The following PCDH9 variants were observed in gnomAD, a reference collection of about 807,000 sequenced individuals.
PCDH9 encodes the protein protocadherin-9.
Under a neutral mutation model 70.6 loss-of-function variants are expected in PCDH9, and 24 were observed. The ratio of observed to expected loss-of-function variants is 0.34; its 90% CI spans 0.25 to 0.48. The LOEUF (loss-of-function observed/expected upper bound fraction) is 0.48. PCDH9 is among the 20% of genes least tolerant of loss of function. PCDH9 has a pLI of 0.99. For synonymous variants in PCDH9, 562 were observed against 558.5 expected (o/e 1.01, Z -0.09); for missense variants, 1,281 against 1,503.6 (o/e 0.85, Z 2.45).
chr13:67,146,631 C>T (rs2087529443), intron 2 of PCDH9, among the ~76,000 whole-genome samples: 1 of 152,126 alleles, frequency 6.6e-6, no homozygotes, highest in South Asian at 2.1e-4. Flanking sequence ...GCAAATGACC[C>T]TATCCAAAAT....
intron 4 of PCDH9, among the ~76,000 whole-genome samples, chr13:66,554,683 C>A (rs1288700548): frequency 6.6e-6 from 1 of 151,752 alleles, no homozygotes; most frequent in Non-Finnish European, 1.5e-5. Context: ...TCATTCTTAG[C>A]CAATAGCATT....
chr13:66,782,236 G>T lies in PCDH9; in HGVS notation c.3138+121268C>A, dbSNP rs373785623. Among the ~76,000 whole-genome samples, 391 of 152,222 alleles carry T rather than the reference G, an allele frequency of 2.6e-3. 1 individual carries two copies. Among genetic ancestry groups the T allele is most frequent in the Non-Finnish European group, 3.7e-3 (251 of 68,016 alleles). ...AATTCCTACAGACTTGGAATTAGAA[G>T]AATTTTAATGGCACAGACATGCCTA... On this transcript the variant is annotated intron_variant, in intron 3 of 4. Coordinates refer to ENST00000377865, the MANE Select transcript of PCDH9 (RefSeq NM_203487.3).
At chr13:67,088,189 T>C (rs182332800) in intron 2 of PCDH9, among the ~76,000 whole-genome samples, 143 of 152,106 alleles carry the variant, frequency 9.4e-4, no homozygotes, top group African/African-American at 3.3e-3. Flanking sequence ...CCTCTAGTTT[T>C]GCCAATGAGG....
At chr13:66,469,368 G>A (rs1958573530) in intron 4 of PCDH9, among the ~76,000 whole-genome samples, 2 of 151,350 alleles carry the variant, frequency 1.3e-5, no homozygotes, top group South Asian at 4.2e-4. Context: ...TTGATTCACA[G>A]AAGGCAATTA....
chr13:67,179,958 C>T (rs2088572018), intron 2 of PCDH9, among the ~76,000 whole-genome samples: 1 of 152,094 alleles, frequency 6.6e-6, no homozygotes, highest in Admixed American at 6.6e-5. Context: ...ATCTGTATTT[C>T]AGGTACCCAA....
chr13:67,010,844 G>T (rs970451157), intron 2 of PCDH9, among the ~76,000 whole-genome samples: 2 of 151,952 alleles, frequency 1.3e-5, no homozygotes, highest in Admixed American at 6.6e-5. Context: ...AAAGTAAAAT[G>T]TTGGATTATT....
At chr13:66,862,524 C>T (rs1165544406) in intron 3 of PCDH9, among the ~76,000 whole-genome samples, 9 of 152,178 alleles carry the variant, frequency 5.9e-5, no homozygotes, top group African/African-American at 1.9e-4. Context: ...GTGTAGACAG[C>T]CTGCACCCCA....
intron 3 of PCDH9, among the ~76,000 whole-genome samples, chr13:66,867,008 G>C (rs1274197748): frequency 1.4e-5 from 2 of 138,264 alleles, no homozygotes; most frequent in Non-Finnish European, 3.1e-5. Context: ...GACCAAATCA[G>C]TTTCTTTCTT....
intron 4 of PCDH9, among the ~76,000 whole-genome samples, chr13:66,503,122 TG>T (rs1435656572): frequency 6.6e-6 from 1 of 152,202 alleles, no homozygotes; most frequent in African/African-American, 2.4e-5. Context: ...TCCCCAAACA[TG>T]CTTATTATCT....
At chr13:66,595,972 T>C (rs2077097802) in intron 4 of PCDH9, among the ~76,000 whole-genome samples, 1 of 151,690 alleles carries the variant, frequency 6.6e-6, no homozygotes, top group Non-Finnish European at 1.5e-5. Context: ...GAATTGTATA[T>C]GAAATGCACA....
At chr13:66,644,637 T>C (rs942527938) in intron 3 of PCDH9, among the ~76,000 whole-genome samples, 7 of 151,958 alleles carry the variant, frequency 4.6e-5, no homozygotes, top group African/African-American at 1.4e-4. Context: ...TATATTTAGC[T>C]CTGAATGGGC....
chr13:67,083,219 T>C (rs1017379529), intron 2 of PCDH9, among the ~76,000 whole-genome samples: 6 of 152,170 alleles, frequency 3.9e-5, no homozygotes, highest in African/African-American at 1.4e-4. Flanking sequence ...AAAATGCATT[T>C]ATTTTCTCTG....
chr13:67,000,807 T>C (rs1470114921), intron 2 of PCDH9, among the ~76,000 whole-genome samples: 1 of 152,214 alleles, frequency 6.6e-6, no homozygotes, highest in Non-Finnish European at 1.5e-5. Flanking sequence ...GAAGTGATTA[T>C]ATTCACAGTG....
In PCDH9 at chr13:66,632,860, A is replaced by T. The variant is rs758093441; in HGVS notation, c.3139-1449T>A. Among the ~76,000 whole-genome samples the T allele has an allele frequency of 1.4e-3, 206 of 152,096 alleles. 1 individual carries two copies. The highest frequency in any genetic ancestry group is 2.6e-3 in the Non-Finnish European group (177 of 67,964). The stretch of plus-strand genomic sequence containing the variant: ...AATTAATAAAATGATGAATGTATAT[A>T]TTAAAAAATATATAATATACAAGTA... On this transcript the variant is annotated intron_variant, in intron 3 of 4. Coordinates refer to ENST00000377865, the MANE Select transcript of PCDH9 (RefSeq NM_203487.3).
At chr13:66,705,839 GA>G (rs2078704297) in intron 3 of PCDH9, among the ~76,000 whole-genome samples, 1 of 152,082 alleles carries the variant, frequency 6.6e-6, no homozygotes, top group Admixed American at 6.6e-5. Context: ...AGAATTGCAG[GA>G]AACTTAATTT....
At chr13:67,036,908 G>C (rs1053455847) in intron 2 of PCDH9, among the ~76,000 whole-genome samples, 3 of 152,186 alleles carry the variant, frequency 2.0e-5, no homozygotes, top group Admixed American at 6.6e-5. Flanking sequence ...AGCTGCTCCG[G>C]AGAAAGCGCC....
chr13:66,569,716 C>A (rs2069837483), intron 4 of PCDH9, among the ~76,000 whole-genome samples: 1 of 152,020 alleles, frequency 6.6e-6, no homozygotes, highest in South Asian at 2.1e-4. Flanking sequence ...TTAATTATAA[C>A]CCCATTATAT....
intron 2 of PCDH9, among the ~76,000 whole-genome samples, chr13:66,907,613 A>G (rs1433235947): frequency 6.6e-6 from 1 of 152,208 alleles, no homozygotes; most frequent in Non-Finnish European, 1.5e-5. Context: ...CATTTTTGAA[A>G]TAAATTTTCA....
chr13:66,881,373 G>A (rs1054230858), intron 3 of PCDH9, among the ~76,000 whole-genome samples: 3 of 152,110 alleles, frequency 2.0e-5, no homozygotes, highest in Non-Finnish European at 2.9e-5. Flanking sequence ...CATGGATGGC[G>A]GCAGTCAAAG....
Sources: allele counts gnomAD v4.1 joint callset (sites outside exome capture counted in the v4.1 genomes callset), GRCh38; gene constraint gnomAD v4.1.1; transcripts MANE v1.5; gene names NCBI Gene and HGNC (gene_info 2026-07-23, HGNC 2026-07-21).